The following TLE3 variants were observed in gnomAD, a reference collection of about 807,000 sequenced individuals.
The protein encoded by TLE3 is TLE family member 3, transcriptional corepressor, also known as transducin-like enhancer protein 3.
Under a neutral mutation model 93.0 loss-of-function variants are expected in TLE3, and 14 were observed. That is an observed-to-expected ratio of 0.15 (90% CI 0.10 to 0.24). The LOEUF (loss-of-function observed/expected upper bound fraction) is 0.24, where lower values mean the gene tolerates loss of function less well. Among genes scored for constraint, TLE3 ranks in the 10% least tolerant of loss-of-function variants. The pLI, the probability that TLE3 is intolerant of heterozygous loss-of-function variation, is 1.00. For synonymous variants in TLE3, 451 were observed against 425.0 expected (o/e 1.06, Z -0.75); for missense variants, 693 against 1,046.6 (o/e 0.66, Z 4.66).
rs769940709 is a variant in TLE3, at chr15:70,058,641, C to T, written c.918+22G>A. On this transcript the variant is annotated intron_variant, in intron 11 of 19. Coordinates refer to ENST00000451782, the MANE Select transcript of TLE3 (RefSeq NM_001105192.3). This position sits in a 1 kb window ranked among gnomAD's most constrained non-coding sequence, Gnocchi z 4.1. ...GTCCCTGCCGCTCCCTTCCCACTCC[C>T]TTCCACCCAGACCCCACATACATGA... 21 of 1,567,150 alleles carry T rather than the reference C, an allele frequency of 1.3e-5. No homozygotes were observed. The highest frequency in any genetic ancestry group is 3.7e-4 in the Middle Eastern group (2 of 5,470).
At chr15:70,051,134 GC>G (rs1339447254) in intron 19 of TLE3, 1 of 350,176 alleles carries the variant, frequency 2.9e-6, no homozygotes, top group Non-Finnish European at 5.3e-6. Context: ...TCCGACAAGC[GC>G]CCCGGCTTAG....
In TLE3 at chr15:70,095,408, G is replaced by A. The variant is rs561833249; in HGVS notation, c.189+170C>T. 263 of 1,481,138 alleles carry A rather than the reference G, an allele frequency of 1.8e-4. No individual in the cohort carries two copies. In the African/African-American group the frequency reaches 2.9e-3, roughly 16 times the overall value. The allele number at this position is 1,481,138 out of a possible 1,614,324, so 91.7% of individuals were successfully genotyped here. A position where few individuals can be genotyped will look rare whatever the true frequency, so the allele number is the denominator to read the frequency against. The stretch of plus-strand genomic sequence containing the variant: ...CACTCACCCTCCTCCAAGTGGCCCC[G>A]GCAATGGAAGCTGGGGAAGGGGAGG... On this transcript the variant is annotated intron_variant, in intron 3 of 19. Coordinates refer to ENST00000451782, the MANE Select transcript of TLE3 (RefSeq NM_001105192.3).
chr15:70,070,934 T>TA (rs372769874), intron 6 of TLE3, among the ~76,000 whole-genome samples: 19 of 150,056 alleles, frequency 1.3e-4, no homozygotes, highest in East Asian at 1.2e-3. Flanking sequence ...CCCTCCCACT[T>TA]AAAAAAAAAA....
chr15:70,062,899 G>A lies in TLE3; in HGVS notation c.594+1555C>T, dbSNP rs181750821. ...ATGTGTGCCATGCATGGACCTCAGC[G>A]AGCATGGTAAACAGCCCAGCTCTTG... On this transcript the variant is annotated intron_variant, in intron 8 of 19. Coordinates refer to ENST00000451782, the MANE Select transcript of TLE3 (RefSeq NM_001105192.3). Among the ~76,000 whole-genome samples the A allele has an allele frequency of 8.0e-3, 1,217 of 152,272 alleles. 6 individuals are homozygous for A. Among genetic ancestry groups the A allele is most frequent in the Non-Finnish European group, 0.013 (863 of 68,028 alleles).
At position 70,058,188 on chromosome 15, in the gene TLE3, G is replaced by C; in HGVS notation, c.1022C>G (p.Pro341Arg). 1 of 1,613,952 alleles carries C rather than the reference G, an allele frequency of 6.2e-7. No homozygotes were observed. Among genetic ancestry groups the C allele is most frequent in the Non-Finnish European group, 8.5e-7 (1 of 1,179,872 alleles). ...CGGGTCCATGCCCGGAGGTTTACCC[G>C]GCATCGACCTGAGCCCTGGGGTCGT... ...TSTTPGLRSM[P>R]GKPPGMDPIA... Residue 341 changes from proline to arginine, a missense_variant, in exon 12 of 20, where the codon CCG becomes CGG. Around this residue, in one of 4 missense-constraint regions of TLE3, gnomAD observed 405 missense variants for 468.9 expected, o/e 0.86. Coordinates refer to ENST00000451782, the MANE Select transcript of TLE3 (RefSeq NM_001105192.3). The surrounding 1 kb of genome is among the most constrained non-coding windows in gnomAD (Gnocchi z 4.1).
chr15:70,073,156 G>A (rs1595935922), intron 6 of TLE3, among the ~76,000 whole-genome samples: 1 of 152,302 alleles, frequency 6.6e-6, no homozygotes, highest in South Asian at 2.1e-4. Flanking sequence ...TGGAAGGGCC[G>A]GTGTCCATAA....
At chr15:70,073,574 T>A (rs1033892228) in intron 6 of TLE3, among the ~76,000 whole-genome samples, 6 of 152,168 alleles carry the variant, frequency 3.9e-5, no homozygotes, top group Non-Finnish European at 8.8e-5. Context: ...TCCAGTCCCA[T>A]CCCCAGACCT....
chr15:70,086,082 C>T (rs544104252), intron 4 of TLE3, among the ~76,000 whole-genome samples: 140 of 152,292 alleles, frequency 9.2e-4, no homozygotes, highest in African/African-American at 3.3e-3. Flanking sequence ...CTATCCCACC[C>T]GACCAGTTAG....
At chr15:70,064,516 A>C in intron 7 of TLE3, 46 bp from the exon 8 acceptor site, 1 of 1,613,536 alleles carries the variant, frequency 6.2e-7, no homozygotes. Context: ...AGGCACCCCA[A>C]AACAAAAAGA....
intron 15 of TLE3, 37 bp downstream of exon 15, chr15:70,055,012 C>T: frequency 1.9e-6 from 3 of 1,559,844 alleles, no homozygotes; most frequent in Non-Finnish European, 2.6e-6. Flanking sequence ...TCCTCCTACA[C>T]CAGCTGGAGG....
intron 19 of TLE3, chr15:70,050,825 T>A (rs1236724411): frequency 6.4e-6 from 1 of 157,032 alleles, no homozygotes; most frequent in Non-Finnish European, 1.4e-5. Flanking sequence ...TAAATGAGTG[T>A]GAGTTTGATC....
intron 6 of TLE3, among the ~76,000 whole-genome samples, chr15:70,074,251 G>C (rs2057330113): frequency 1.3e-5 from 2 of 152,220 alleles, no homozygotes; most frequent in Admixed American, 1.3e-4. Context: ...CTCCTCAATG[G>C]CAAGGACACC....
At chr15:70,054,743 G>A (rs2055861750) in intron 15 of TLE3, 58 bp from the exon 16 acceptor site, 16 of 1,497,516 alleles carry the variant, frequency 1.1e-5, no homozygotes, top group South Asian at 1.3e-5. Context: ...GGCACCAGGA[G>A]AGTCCTGTCC....
In TLE3 at chr15:70,088,348, GA is replaced by G. The variant is rs968238600; in HGVS notation, c.234+6183del. 6.6e-5 allele frequency among the ~76,000 whole-genome samples: 10 copies of G among 152,328 alleles called. No individual in the cohort carries two copies. In the East Asian group the frequency reaches 9.6e-4, roughly 15 times the overall value. ...ATATTCCCCGCTTACATGGCGGCAGGACGTTTCCCCCTTCCTTAAGTTTCTC... is the reference window on the plus strand; with the variant it reads ...ATATTCCCCGCTTACATGGCGGCAGGCGTTTCCCCCTTCCTTAAGTTTCTC... On this transcript the variant is annotated intron_variant, in intron 4 of 19. Transcript: ENST00000451782.
chr15:70,074,704 G>T lies in TLE3; in HGVS notation c.298-97C>A, dbSNP rs376965334. On this transcript the variant is annotated intron_variant, in intron 5 of 19. Transcript: ENST00000451782. ...TGGCAGGGCCTCTCGGAGAGGCCCA[G>T]AGCAGACAGAGGAGTCCCACTGAAC... The T allele has an allele frequency of 6.0e-6, 6 of 992,182 alleles. No individual in the cohort carries two copies. In the African/African-American group the frequency reaches 8.0e-5, roughly 13 times the overall value. 61.5% of individuals were successfully genotyped at this position (992,182 alleles called of 1,614,324 possible).
intron 6 of TLE3, among the ~76,000 whole-genome samples, chr15:70,067,238 A>C (rs553169677): frequency 6.6e-6 from 1 of 152,180 alleles, no homozygotes; most frequent in African/African-American, 2.4e-5. Flanking sequence ...CCTTCGCCCC[A>C]CCCAACTTCT....
intron 4 of TLE3, 101 bp downstream of exon 4, chr15:70,094,431 C>T (rs1043187445): frequency 2.2e-6 from 2 of 911,498 alleles, no homozygotes; most frequent in South Asian, 1.6e-5. Flanking sequence ...GGGGAGGAAT[C>T]GAAGAAGCAG....
chr15:70,054,970 T>C (rs1161283172), intron 15 of TLE3, 79 bp downstream of exon 15: 4 of 1,500,198 alleles, frequency 2.7e-6, no homozygotes, highest in Admixed American at 2.1e-5. Context: ...AGCCAGGCCC[T>C]GGGGCTCTCC....
At chr15:70,075,328 C>G (rs752912749) in intron 5 of TLE3, among the ~76,000 whole-genome samples, 5 of 152,248 alleles carry the variant, frequency 3.3e-5, no homozygotes, top group Admixed American at 3.3e-4. Context: ...AAAATAAAGT[C>G]TATTTTAAAA....
Sources: gnomAD v4.1 joint callset for allele counts (sites outside exome capture counted in the v4.1 genomes callset) on GRCh38, gnomAD v4.1.1 for gene constraint, gnomAD v4.1.1 regional missense constraint, Gnocchi (gnomAD v3.1) non-coding constraint, MANE v1.5 for transcripts, NCBI Gene and HGNC (gene_info 2026-07-23, HGNC 2026-07-21) for gene names.